The following SSH2 variants were observed in gnomAD, a reference collection of about 807,000 sequenced individuals.
SSH2 encodes slingshot protein phosphatase 2, also known as protein phosphatase Slingshot homolog 2.
A neutral mutation model predicts 135.2 loss-of-function variants in SSH2; 37 were observed. That is an observed-to-expected ratio of 0.27 (90% CI 0.21 to 0.36). The LOEUF (loss-of-function observed/expected upper bound fraction) is 0.36. Ranked by LOEUF, SSH2 falls within the 10% of genes least tolerant of loss-of-function variation. The pLI is 1.00. For missense variants in SSH2, 1,408 were observed against 1,765.3 expected (o/e 0.80, Z 3.63); for synonymous variants, 628 against 646.2 (o/e 0.97, Z 0.43).
chr17:29,636,101 C>A lies in SSH2; in HGVS notation c.2129G>T (p.Arg710Met). The A allele has an allele frequency of 6.2e-7, 1 of 1,614,230 alleles. No individual in the cohort carries two copies. Among genetic ancestry groups the A allele is most frequent in the East Asian group, 2.2e-5 (1 of 44,884 alleles). The change falls in exon 15 of 16, where the codon AGG becomes ATG. Residue 710 changes from arginine (R) to methionine (M), a missense_variant. Arg to Met is a moderately conservative substitution (Grantham distance 91). Coordinates refer to ENST00000540801, the MANE Select transcript of SSH2 (RefSeq NM_001282129.2). ...HSRMEELGGGRNESCRLSVVE... is the reference protein window; with the variant it reads ...HSRMEELGGGMNESCRLSVVE... ...CACTGACAGTCGACAGCTCTCATTCCTTCCTCCACCCAGTTCCTCCATCCT... is the reference window on the plus strand; with the variant it reads ...CACTGACAGTCGACAGCTCTCATTCATTCCTCCACCCAGTTCCTCCATCCT...
intron 2 of SSH2, among the ~76,000 whole-genome samples, chr17:29,824,170 T>TAAAAAC (rs1236943197): frequency 6.6e-6 from 1 of 151,986 alleles, no homozygotes; most frequent in Non-Finnish European, 1.5e-5. Flanking sequence ...TCACAAGTGG[T>TAAAAAC]AAAAACAAAA....
At chr17:29,806,443 C>T (rs9911219) in intron 2 of SSH2, among the ~76,000 whole-genome samples, 11,261 of 152,228 alleles carry the variant, frequency 0.074, 1,364 homozygotes, top group African/African-American at 0.25. Context: ...ATTCTGCTCC[C>T]TTCCATTCAG....
At chr17:29,721,187 A>C (rs1376076928) in intron 3 of SSH2, among the ~76,000 whole-genome samples, 1 of 152,240 alleles carries the variant, frequency 6.6e-6, no homozygotes, top group South Asian at 2.1e-4. Context: ...CAAACATTTT[A>C]GTTAGGGTTT....
At chr17:29,899,636 A>G (rs923699833) in intron 1 of SSH2, among the ~76,000 whole-genome samples, 2 of 152,224 alleles carry the variant, frequency 1.3e-5, no homozygotes, top group Non-Finnish European at 2.9e-5. Context: ...AAGAGGATAC[A>G]AACAAATGGA....
intron 2 of SSH2, among the ~76,000 whole-genome samples, chr17:29,826,764 G>A (rs1316136009): frequency 6.6e-6 from 1 of 152,056 alleles, no homozygotes; most frequent in Non-Finnish European, 1.5e-5. Context: ...GCCCTGCTTG[G>A]GTCATGTGCC....
intron 14 of SSH2, among the ~76,000 whole-genome samples, chr17:29,642,574 C>A (rs999518576): frequency 1.3e-5 from 2 of 151,956 alleles, no homozygotes; most frequent in South Asian, 2.1e-4. Context: ...CACCACCCCC[C>A]CCACCGCCTC....
At chr17:29,666,784 TAA>T in intron 11 of SSH2, 81 bp downstream of exon 11, 2 of 1,264,794 alleles carry the variant, frequency 1.6e-6, no homozygotes, top group Non-Finnish European at 2.2e-6. Flanking sequence ...TATTTATGTA[TAA>T]TAAAATTTAA....
chr17:29,923,675 A>T (rs1390792773), intron 1 of SSH2, among the ~76,000 whole-genome samples: 3 of 151,848 alleles, frequency 2.0e-5, no homozygotes, highest in East Asian at 3.9e-4. Flanking sequence ...ATGCCAACCG[A>T]TAATGGAATG....
chr17:29,802,618 C>CAAAAAAAAAAAAAAAAAAAA (rs74267073), intron 2 of SSH2, among the ~76,000 whole-genome samples: 7 of 57,348 alleles, frequency 1.2e-4, no homozygotes, highest in Non-Finnish European at 2.1e-4. Context: ...ACTGTTTCTA[C>CAAAAAAAAAAAAAAAAAAAA]AAAAAAAAAA....
At chr17:29,848,415 TA>T (rs1194762247) in intron 2 of SSH2, among the ~76,000 whole-genome samples, 1 of 152,106 alleles carries the variant, frequency 6.6e-6, no homozygotes, top group African/African-American at 2.4e-5. Context: ...TATCAATAGC[TA>T]AGACATGTGA....
intron 6 of SSH2, among the ~76,000 whole-genome samples, chr17:29,680,419 C>G (rs1417379143): frequency 6.6e-6 from 1 of 151,608 alleles, no homozygotes; most frequent in Non-Finnish European, 1.5e-5. Context: ...CAGGGGCAGA[C>G]AGACACCTGT....
At chr17:29,906,120 T>C (rs950404689) in intron 1 of SSH2, among the ~76,000 whole-genome samples, 2 of 152,210 alleles carry the variant, frequency 1.3e-5, no homozygotes, top group Non-Finnish European at 2.9e-5. Context: ...TTTGTCTGCA[T>C]ACCTCATTCT....
chr17:29,655,680 A>G, intron 11 of SSH2, 73 bp from the exon 12 acceptor site: 1 of 1,398,048 alleles, frequency 7.2e-7, no homozygotes, highest in Middle Eastern at 1.8e-4. Context: ...GGAGCGAGAG[A>G]AGAAGAACTT....
At chr17:29,923,012 G>A (rs1368706332) in intron 1 of SSH2, among the ~76,000 whole-genome samples, 1 of 152,174 alleles carries the variant, frequency 6.6e-6, no homozygotes, top group Non-Finnish European at 1.5e-5. Flanking sequence ...CTGGGTTCAA[G>A]CAATTCTCCT....
chr17:29,810,197 C>CGAT (rs10655947), intron 2 of SSH2, among the ~76,000 whole-genome samples: 1 of 151,706 alleles, frequency 6.6e-6, no homozygotes, highest in Non-Finnish European at 1.5e-5. Context: ...TGCAAACACC[C>CGAT]TGATTTAAAA....
intron 3 of SSH2, among the ~76,000 whole-genome samples, chr17:29,718,657 C>T (rs1186525026): frequency 7.5e-6 from 1 of 133,110 alleles, no homozygotes; most frequent in African/African-American, 2.7e-5. Flanking sequence ...GGCATGAACC[C>T]GGGAGGCGGA....
chr17:29,910,271 T>C (rs1441373853), intron 1 of SSH2, among the ~76,000 whole-genome samples: 16 of 152,088 alleles, frequency 1.1e-4, no homozygotes. Flanking sequence ...TACTTTTAAA[T>C]GTTGGATCCT....
intron 3 of SSH2, among the ~76,000 whole-genome samples, chr17:29,791,195 C>T (rs1225588256): frequency 6.6e-6 from 1 of 152,094 alleles, no homozygotes; most frequent in African/African-American, 2.4e-5. Flanking sequence ...AACCAATTCT[C>T]CTGCCTCAGA....
chr17:29,929,878 T>A, intron 1 of SSH2, 60 bp downstream of exon 1: 1 of 1,492,470 alleles, frequency 6.7e-7, no homozygotes, highest in Non-Finnish European at 9.1e-7. Flanking sequence ...CGGGACCCGC[T>A]GAGGCAAAGC....
Sources: allele counts gnomAD v4.1 joint callset (sites outside exome capture counted in the v4.1 genomes callset), GRCh38; gene constraint gnomAD v4.1.1; transcripts MANE v1.5; gene names NCBI Gene and HGNC (gene_info 2026-07-23, HGNC 2026-07-21).